PCDH15: variants seen among roughly 807,000 people sequenced by gnomAD.
PCDH15 encodes protocadherin-15.
Under a neutral mutation model 178.5 loss-of-function variants are expected in PCDH15, and 129 were observed. The observed-to-expected ratio is 0.72, with a 90% confidence interval of 0.63 to 0.84. The LOEUF is 0.84. PCDH15 is among the 40% of genes least tolerant of loss of function. The pLI, the probability that PCDH15 is intolerant of heterozygous loss-of-function variation, is 0.00. For missense variants in PCDH15, 2,230 were observed against 2,099.9 expected, an observed-to-expected ratio of 1.06 and a Z score of -1.21; for synonymous variants, 800 against 732.0, an observed-to-expected ratio of 1.09 and a Z score of -1.50.
rs111522695 is a variant in PCDH15 at position 54,158,151 on chromosome 10, A to G, written c.1591-4858T>C. 8.6e-3 allele frequency among the ~76,000 whole-genome samples: 1,307 copies of G among 152,270 alleles called. 18 individuals carry two copies. Among genetic ancestry groups the G allele is most frequent in the African/African-American group, 0.03 (1,242 of 41,542 alleles). The stretch of plus-strand genomic sequence containing the variant: ...CTTCCACATTTTCAGGTATGTTTTC[A>G]GCATCACCCCACTCTACTGGTATCA... On this transcript the variant is annotated intron_variant, in intron 13 of 37. Coordinates refer to ENST00000644397, the MANE Select transcript of PCDH15 (RefSeq NM_001384140.1).
At chr10:54,052,927 C>A (rs2093809814) in intron 18 of PCDH15, among the ~76,000 whole-genome samples, 1 of 152,160 alleles carries the variant, frequency 6.6e-6, no homozygotes, top group Non-Finnish European at 1.5e-5. Context: ...GAGCTTTTCC[C>A]CGCTTCGCTC....
chr10:54,327,453 T>A (rs925852613), intron 7 of PCDH15, among the ~76,000 whole-genome samples: 30 of 149,164 alleles, frequency 2.0e-4, no homozygotes, highest in Non-Finnish European at 2.5e-4. Flanking sequence ...ATAATTATAA[T>A]ATATAAAATA....
At position 54,668,517 on chromosome 10, in the gene PCDH15, C is replaced by A. The variant is rs7902184; in HGVS notation, c.-28-4227G>T. 3.9e-5 allele frequency among the ~76,000 whole-genome samples: 6 copies of A among 151,992 alleles called. No individual in the cohort carries two copies. The East Asian group carries it at 1.2e-3, about 29-fold the overall frequency. On this transcript the variant is annotated intron_variant, in intron 1 of 37. Transcript: ENST00000644397. The stretch of plus-strand genomic sequence containing the variant: ...TACTATTCTGAGTACAGATTTCTGT[C>A]CATCTCTTGGAAGGAGAATAAAGGT...
chr10:54,779,452 T>TATGTGTATATATATACACA (rs1566221590), intron 1 of PCDH15, among the ~76,000 whole-genome samples: 1 of 110,862 alleles, frequency 9.0e-6, no homozygotes, highest in Non-Finnish European at 1.8e-5. Flanking sequence ...ATATATACAC[T>TATGTGTATATATATACACA]CATATATGTG....
intron 3 of PCDH15, among the ~76,000 whole-genome samples, chr10:54,809,797 T>C (rs539360973): frequency 5.1e-4 from 77 of 152,264 alleles, no homozygotes; most frequent in African/African-American, 1.8e-3. Flanking sequence ...AAAAACTTTG[T>C]TGGACAAGGA....
intron 3 of PCDH15, among the ~76,000 whole-genome samples, chr10:54,853,318 T>TATATATATATACAC (rs1194965974): frequency 6.9e-5 from 7 of 102,052 alleles, no homozygotes; most frequent in African/African-American, 2.6e-4. Flanking sequence ...TATATATATA[T>TATATATATATACAC]ACATACACAC....
At chr10:55,195,278 C>A (rs1322154229) in intron 1 of PCDH15, among the ~76,000 whole-genome samples, 2 of 151,860 alleles carry the variant, frequency 1.3e-5, no homozygotes, top group African/African-American at 4.8e-5. Context: ...CAGCTTCGGC[C>A]TCCCAAAGTG....
At chr10:54,924,618 AC>A (rs1837570671) in intron 2 of PCDH15, among the ~76,000 whole-genome samples, 1 of 150,914 alleles carries the variant, frequency 6.6e-6, no homozygotes, top group East Asian at 1.9e-4. Flanking sequence ...ATTTTTTTTT[AC>A]CTTTTAAAAA....
chr10:55,505,404 C>T (rs1479923970), intron 2 of PCDH15, among the ~76,000 whole-genome samples: 2 of 151,230 alleles, frequency 1.3e-5, no homozygotes, highest in Non-Finnish European at 3.0e-5. Flanking sequence ...AACCTGGATT[C>T]TTTAAGAAAA....
intron 2 of PCDH15, among the ~76,000 whole-genome samples, chr10:54,548,005 T>A (rs1590038017): frequency 6.6e-6 from 1 of 151,042 alleles, no homozygotes; most frequent in African/African-American, 2.4e-5. Context: ...TTTTTAAATT[T>A]ACATTTTTTT....
intron 1 of PCDH15, among the ~76,000 whole-genome samples, chr10:54,774,435 T>C (rs1001336767): frequency 6.6e-6 from 1 of 152,154 alleles, no homozygotes; most frequent in African/African-American, 2.4e-5. Context: ...TGAGATACTA[T>C]GTATCTACTA....
intron 21 of PCDH15, among the ~76,000 whole-genome samples, chr10:53,983,894 C>T (rs1382311340): frequency 1.3e-5 from 2 of 151,978 alleles, no homozygotes; most frequent in South Asian, 2.1e-4. Flanking sequence ...CAGGATCCAA[C>T]TTAGGTTTCC....
chr10:55,082,580 AT>A (rs1306937284), intron 2 of PCDH15, among the ~76,000 whole-genome samples: 2 of 92,050 alleles, frequency 2.2e-5, no homozygotes, highest in Non-Finnish European at 3.8e-5. Flanking sequence ...TGAAATTGAA[AT>A]GAAAAAAAAA....
At chr10:54,631,357 A>G (rs1433006932) in intron 2 of PCDH15, among the ~76,000 whole-genome samples, 1 of 152,134 alleles carries the variant, frequency 6.6e-6, no homozygotes, top group Non-Finnish European at 1.5e-5. Context: ...CTTTTTTAAA[A>G]AAATTACCCA....
In PCDH15 at chr10:53,888,324, A is replaced by ATG. The variant is rs1417693475; in HGVS notation, c.3501+14918_3501+14919insCA. ...TATATATATATGTATATATGTACGT[A>ATG]TATATATGTACGTATATATATATAC... is the stretch of plus-strand genomic sequence containing the variant. On this transcript the variant is annotated intron_variant, in intron 26 of 37. Transcript: ENST00000644397. 3.4e-3 allele frequency among the ~76,000 whole-genome samples: 229 copies of ATG among 68,218 alleles called. 1 individual carries two copies. The highest frequency in any genetic ancestry group is 5.0e-3 in the South Asian group (7 of 1,412). The allele number at this position is 68,218 out of a possible 152,430, so 44.8% of individuals were successfully genotyped here. A position where few individuals can be genotyped will look rare whatever the true frequency, so the allele number is the denominator to read the frequency against.
chr10:54,271,975 C>T (rs1016489435), intron 8 of PCDH15, among the ~76,000 whole-genome samples: 2 of 143,582 alleles, frequency 1.4e-5, no homozygotes, highest in African/African-American at 5.2e-5. Context: ...TACTGTACCT[C>T]CTACCCAGTA....
chr10:55,463,975 GAAAGAA>G (rs1839759249), intron 2 of PCDH15, among the ~76,000 whole-genome samples: 1 of 18,254 alleles, frequency 5.5e-5, no homozygotes. Flanking sequence ...GAAAGAAAGA[GAAAGAA>G]AGAAAGAAAG....
intron 2 of PCDH15, among the ~76,000 whole-genome samples, chr10:55,420,253 T>C (rs1280060951): frequency 1.3e-5 from 2 of 150,940 alleles, no homozygotes; most frequent in Non-Finnish European, 3.0e-5. Context: ...ACATATTATC[T>C]ATAGTTGCTT....
chr10:55,122,157 T>C lies in PCDH15; in HGVS notation c.-80+44419A>G, dbSNP rs567336067. On this transcript the variant is annotated intron_variant, in intron 2 of 5. Transcript: ENST00000458638. ...GGATGTATTAAGTATTAGACTCTGT[T>C]TAGTGTCCATTTTTTATTTATGTCA... 6.4e-4 allele frequency among the ~76,000 whole-genome samples: 98 copies of C among 152,276 alleles called. 1 individual carries two copies. In the Middle Eastern group the frequency reaches 0.01, roughly 16 times the overall value.
Sources: allele counts gnomAD v4.1 joint callset (sites outside exome capture counted in the v4.1 genomes callset), GRCh38; gene constraint gnomAD v4.1.1; transcripts MANE v1.5; gene names NCBI Gene and HGNC (gene_info 2026-07-23, HGNC 2026-07-21).